The following DTNA variants were observed in gnomAD, a reference collection of about 807,000 sequenced individuals.
DTNA encodes the protein dystrobrevin alpha.
A neutral mutation model predicts 100.7 loss-of-function variants in DTNA; 43 were observed. The observed-to-expected ratio is 0.43, with a 90% CI of 0.33 to 0.55. The LOEUF (loss-of-function observed/expected upper bound fraction) is 0.55, where lower values mean the gene tolerates loss of function less well. Among genes scored for constraint, DTNA ranks in the 20% least tolerant of loss-of-function variants. The pLI, the probability that DTNA is intolerant of heterozygous loss-of-function variation, is 0.04. For synonymous variants in DTNA, 349 were observed against 347.9 expected (o/e 1.00, Z -0.04); for missense variants, 798 against 953.9 (o/e 0.84, Z 2.15).
chr18:34,847,742 A>T (rs2096405938), intron 13 of DTNA, among the ~76,000 whole-genome samples: 1 of 152,308 alleles, frequency 6.6e-6, no homozygotes, highest in Admixed American at 6.5e-5. Flanking sequence ...GATGGAAGCC[A>T]TGGTCTTTTT....
At chr18:34,834,103 A>G (rs902878987) in intron 11 of DTNA, among the ~76,000 whole-genome samples, 1 of 152,224 alleles carries the variant, frequency 6.6e-6, no homozygotes, top group African/African-American at 2.4e-5. Context: ...TTGTGATAAT[A>G]TAGCACCTTG....
intron 1 of DTNA, among the ~76,000 whole-genome samples, chr18:34,559,513 C>G (rs2046438809): frequency 6.6e-6 from 1 of 152,162 alleles, no homozygotes; most frequent in South Asian, 2.1e-4. Context: ...AATGTTATGT[C>G]TAATACTACG....
upstream of DTNA, among the ~76,000 whole-genome samples, chr18:34,705,589 A>G (rs2082015306): frequency 6.6e-6 from 1 of 152,214 alleles, no homozygotes; most frequent in Admixed American, 6.5e-5. Context: ...TCATAAATAA[A>G]AATCAATAAA....
At position 34,643,074 on chromosome 18, in the gene DTNA, A is replaced by G. The variant is rs527304880; in HGVS notation, c.-1-112902A>G. Among the ~76,000 whole-genome samples the G allele has an allele frequency of 1.1e-4, 17 of 152,358 alleles. No homozygotes were observed. In the East Asian group the frequency reaches 3.3e-3, roughly 29 times the overall value. The stretch of plus-strand genomic sequence containing the variant: ...GGTATAACTGGAAACAAACAAAAAA[A>G]AGGAATTTGACGACTATTTCTGGTA... On this transcript the variant is annotated intron_variant, in intron 1 of 19. Transcript: ENST00000283365.
intron 1 of DTNA, among the ~76,000 whole-genome samples, chr18:34,550,815 C>G (rs1405284271): frequency 6.6e-6 from 1 of 152,104 alleles, no homozygotes; most frequent in African/African-American, 2.4e-5. Flanking sequence ...TCAAAAATGT[C>G]TTTAAAAGAT....
intron 1 of DTNA, among the ~76,000 whole-genome samples, chr18:34,648,898 A>C (rs1051461712): frequency 6.6e-6 from 1 of 152,212 alleles, no homozygotes; most frequent in African/African-American, 2.4e-5. Context: ...TAACTTTAAA[A>C]TATTTTTGTT....
intron 1 of DTNA, among the ~76,000 whole-genome samples, chr18:34,700,463 T>A (rs1328974625): frequency 6.6e-6 from 1 of 152,224 alleles, no homozygotes; most frequent in African/African-American, 2.4e-5. Flanking sequence ...AGACTCCTCC[T>A]GTCTTTATTT....
At chr18:34,529,664 C>T (rs1363333837) in intron 1 of DTNA, among the ~76,000 whole-genome samples, 1 of 152,106 alleles carries the variant, frequency 6.6e-6, no homozygotes, top group East Asian at 1.9e-4. Flanking sequence ...TTGTAATGAA[C>T]AAAATCTATG....
chr18:34,887,784 G>A lies in DTNA; in HGVS notation c.*50G>A, dbSNP rs1409795901. 4 of 985,584 alleles carry A rather than the reference G, an allele frequency of 4.1e-6. No individual in the cohort carries two copies. Among genetic ancestry groups the A allele is most frequent in the African/African-American group, 1.7e-5 (1 of 57,220 alleles). The allele number at this position is 985,584 out of a possible 1,614,324, so 61.1% of individuals were successfully genotyped here. ...TTCCCAGGCAAGCTATAGTCAGACA[G>A]ATGATGAAAGTAACATGAAAACTGG... is the stretch of plus-strand genomic sequence containing the variant. On this transcript the variant is annotated 3_prime_UTR_variant, in exon 23 of 23. Coordinates refer to ENST00000444659, the MANE Select transcript of DTNA (RefSeq NM_001386795.1).
chr18:34,698,457 A>T (rs939705837), intron 1 of DTNA, among the ~76,000 whole-genome samples: 1 of 152,156 alleles, frequency 6.6e-6, no homozygotes, highest in Non-Finnish European at 1.5e-5. Context: ...CAGCTGCATC[A>T]CTGCAATCCC....
chr18:34,866,518 C>T, intron 17 of DTNA: 1 of 1,138,782 alleles, frequency 8.8e-7, no homozygotes, highest in South Asian at 2.2e-5. Flanking sequence ...TCATGTCATC[C>T]CAAAACCCAC....
chr18:34,672,281 A>C (rs1368887589), intron 1 of DTNA, among the ~76,000 whole-genome samples: 1 of 152,138 alleles, frequency 6.6e-6, no homozygotes, highest in Non-Finnish European at 1.5e-5. Context: ...ATTTTCATCT[A>C]AGAAAACCTG....
At chr18:34,707,842 CT>C (rs2082308980), upstream of DTNA, among the ~76,000 whole-genome samples, 1 of 152,120 alleles carries the variant, frequency 6.6e-6, no homozygotes, top group South Asian at 2.1e-4. Flanking sequence ...TGCTCCTTGC[CT>C]TTTTGCCTGG....
At chr18:34,534,479 T>C (rs1357983570) in intron 1 of DTNA, among the ~76,000 whole-genome samples, 1 of 151,848 alleles carries the variant, frequency 6.6e-6, no homozygotes, top group African/African-American at 2.4e-5. Context: ...GCATCAAGCA[T>C]TTTATTTTTT....
intron 1 of DTNA, among the ~76,000 whole-genome samples, chr18:34,701,164 T>A (rs1412327085): frequency 6.6e-6 from 1 of 152,156 alleles, no homozygotes; most frequent in Non-Finnish European, 1.5e-5. Context: ...CTACATTTGC[T>A]CTCGTACAAA....
intron 1 of DTNA, among the ~76,000 whole-genome samples, chr18:34,603,337 A>G (rs954738203): frequency 6.6e-6 from 1 of 152,196 alleles, no homozygotes; most frequent in African/African-American, 2.4e-5. Context: ...ATACTTTTAT[A>G]TAAAGCTAAG....
At chr18:34,726,296 A>G (rs1302789036) in intron 1 of DTNA, among the ~76,000 whole-genome samples, 2 of 152,112 alleles carry the variant, frequency 1.3e-5, no homozygotes, top group Admixed American at 1.3e-4. Context: ...GAATATCCAA[A>G]TCTATCATTC....
intron 2 of DTNA, among the ~76,000 whole-genome samples, chr18:34,756,669 C>A (rs981249591): frequency 2.0e-4 from 30 of 152,262 alleles, no homozygotes; most frequent in African/African-American, 7.2e-4. Flanking sequence ...AAGTTACTGA[C>A]TCCAGTGAAG....
chr18:34,578,700 C>G (rs1410880319), intron 1 of DTNA, among the ~76,000 whole-genome samples: 1 of 152,078 alleles, frequency 6.6e-6, no homozygotes, highest in African/African-American at 2.4e-5. Context: ...GCCAATTATC[C>G]CAGCACCATT....
Sources: gnomAD v4.1 joint callset for allele counts (sites outside exome capture counted in the v4.1 genomes callset) on GRCh38, gnomAD v4.1.1 for gene constraint, MANE v1.5 for transcripts, NCBI Gene and HGNC (gene_info 2026-07-23, HGNC 2026-07-21) for gene names.